Variants in MMS22L observed in about 807,000 individuals in gnomAD.
MMS22L encodes protein MMS22-like.
A neutral mutation model predicts 159.1 loss-of-function variants in MMS22L; 74 were observed. The ratio of observed to expected loss-of-function variants is 0.47; its 90% confidence interval spans 0.39 to 0.56. The LOEUF (loss-of-function observed/expected upper bound fraction) is 0.56, where lower values mean the gene tolerates loss of function less well. Among genes scored for constraint, MMS22L ranks in the 20% least tolerant of loss-of-function variants. The pLI is 0.00. For missense variants in MMS22L, 1,351 were observed against 1,422.1 expected (o/e 0.95, Z 0.80); for synonymous variants, 517 against 506.9 (o/e 1.02, Z -0.27).
chr6:97,180,106 T>C (rs903339687), intron 16 of MMS22L, among the ~76,000 whole-genome samples: 10 of 151,988 alleles, frequency 6.6e-5, no homozygotes, highest in African/African-American at 2.4e-4. Context: ...GTTTTTTTTT[T>C]CTCTTTTTTT....
chr6:97,214,559 A>C (rs1353822184), intron 14 of MMS22L, among the ~76,000 whole-genome samples: 1 of 152,086 alleles, frequency 6.6e-6, no homozygotes. Context: ...ATCCATCTAC[A>C]TTTTCTAAGT....
rs570879011 is a variant in MMS22L at position 97,150,024 on chromosome 6, A to G, written c.3483-4T>C. The stretch of plus-strand genomic sequence containing the variant: ...ACCATAATCCTGGATAAACTGCCTG[A>G]AAGTAAAACAGGTTTATTTAGGATT... On this transcript the variant is annotated splice_polypyrimidine_tract_variant and splice_region_variant and intron_variant, in intron 23 of 24. Coordinates refer to ENST00000683635, the MANE Select transcript of MMS22L (RefSeq NM_001350599.2). 1 of 1,612,266 alleles carries G rather than the reference A, an allele frequency of 6.2e-7. No individual in the cohort carries two copies. Among genetic ancestry groups the G allele is most frequent in the African/African-American group, 1.3e-5 (1 of 74,974 alleles).
In MMS22L at chr6:97,231,544, C is replaced by A; in HGVS notation, c.1411G>T (p.Asp471Tyr). The A allele has an allele frequency of 6.2e-7, 1 of 1,613,750 alleles. No individual in the cohort carries two copies. ...CTGCTGGATTTATATAGTTCCTGAT[C>A]TTGTTTATCGCAACAGCAAGTCTTC... ...MVKTCCCDKQ[D>Y]QELYKSSSSY... Residue 471 changes from aspartate to tyrosine, a missense_variant, in exon 13 of 25, where the codon GAT becomes TAT. Transcript: ENST00000683635.
At chr6:97,158,828 T>C (rs764571050) in intron 22 of MMS22L, among the ~76,000 whole-genome samples, 8 of 152,140 alleles carry the variant, frequency 5.3e-5, no homozygotes, top group Non-Finnish European at 1.2e-4. Flanking sequence ...CTATTAGGTC[T>C]GCTTGGTCCA....
intron 14 of MMS22L, among the ~76,000 whole-genome samples, chr6:97,210,341 G>C (rs1319529280): frequency 6.6e-6 from 1 of 151,810 alleles, no homozygotes; most frequent in Non-Finnish European, 1.5e-5. Flanking sequence ...TTGAATCTTT[G>C]TATTAAACAT....
At chr6:97,183,213 T>G (rs758171476) in intron 15 of MMS22L, among the ~76,000 whole-genome samples, 3 of 152,176 alleles carry the variant, frequency 2.0e-5, no homozygotes, top group East Asian at 1.9e-4. Flanking sequence ...TAAAATCCAC[T>G]GATCCTACAA....
At chr6:97,165,892 A>G (rs1802916335) in intron 20 of MMS22L, among the ~76,000 whole-genome samples, 1 of 152,140 alleles carries the variant, frequency 6.6e-6, no homozygotes, top group Admixed American at 6.6e-5. Context: ...TAAAAATCTG[A>G]TAATCTTTTT....
chr6:97,202,389 C>CTA (rs1807272773), intron 14 of MMS22L, among the ~76,000 whole-genome samples: 1 of 152,058 alleles, frequency 6.6e-6, no homozygotes, highest in East Asian at 1.9e-4. Context: ...TGTTTCAGAT[C>CTA]TATATATATA....
chr6:97,281,152 A>G lies in MMS22L; in HGVS notation c.290+85T>C, dbSNP rs1346625232. On this transcript the variant is annotated intron_variant, in intron 3 of 24. Transcript: ENST00000683635. ...AGCACAATTCCTCTGGTCTTTTGTA[A>G]TATCAGTATTAGAAGCCACCCAACA... The G allele has an allele frequency of 9.3e-6, 12 of 1,290,692 alleles. No homozygotes were observed. The Admixed American group carries it at 2.6e-4, about 28-fold the overall frequency. 80.0% of individuals were successfully genotyped at this position (1,290,692 alleles called of 1,614,324 possible).
At position 97,282,457 on chromosome 6, in the gene MMS22L, TGCA is replaced by T; in HGVS notation, c.18_20del (p.Ala7del). 2 of 1,613,112 alleles carry T rather than the reference TGCA, an allele frequency of 1.2e-6. No homozygotes were observed. The highest frequency in any genetic ancestry group is 1.7e-6 in the Non-Finnish European group (2 of 1,179,884). On this transcript the variant is annotated inframe_deletion, in exon 2 of 25. Transcript: ENST00000683635. ...CTAAGCTGTCAGTCAGGAACGTCGATGCAGCAGAACAGTTCTCCATTGTTTACT... is the reference window on the plus strand; with the variant it reads ...CTAAGCTGTCAGTCAGGAACGTCGATGCAGAACAGTTCTCCATTGTTTACT...
chr6:97,197,355 C>G (rs945496737), intron 14 of MMS22L, among the ~76,000 whole-genome samples: 1 of 151,990 alleles, frequency 6.6e-6, no homozygotes, highest in Non-Finnish European at 1.5e-5. Context: ...ACGTAATGAA[C>G]GAAAGTAAAA....
intron 11 of MMS22L, among the ~76,000 whole-genome samples, chr6:97,240,053 A>G (rs1400636500): frequency 6.6e-6 from 1 of 152,242 alleles, no homozygotes; most frequent in Non-Finnish European, 1.5e-5. Context: ...AGATCAAGTC[A>G]AAGTACATGA....
At chr6:97,176,865 G>A (rs1804179052) in intron 18 of MMS22L, among the ~76,000 whole-genome samples, 1 of 152,038 alleles carries the variant, frequency 6.6e-6, no homozygotes, top group Non-Finnish European at 1.5e-5. Flanking sequence ...CTGTTAATAA[G>A]TCATAGCTGT....
At chr6:97,150,100 A>G in intron 23 of MMS22L, 80 bp from the exon 24 acceptor site, 2 of 1,018,686 alleles carry the variant, frequency 2.0e-6, no homozygotes, top group Admixed American at 2.4e-5. Flanking sequence ...TCAACTATGA[A>G]CTGAACATAA....
chr6:97,218,894 C>T (rs2127971366), intron 14 of MMS22L, among the ~76,000 whole-genome samples: 1 of 152,270 alleles, frequency 6.6e-6, no homozygotes, highest in East Asian at 1.9e-4. Context: ...ATTTTATATT[C>T]ACTAATTTAA....
intron 14 of MMS22L, among the ~76,000 whole-genome samples, chr6:97,226,738 G>T (rs1240785063): frequency 1.3e-5 from 2 of 151,964 alleles, no homozygotes; most frequent in African/African-American, 4.8e-5. Context: ...GGAGATATCT[G>T]GAAGGTTCTA....
chr6:97,185,343 A>G (rs1805113645), intron 15 of MMS22L, among the ~76,000 whole-genome samples: 1 of 152,158 alleles, frequency 6.6e-6, no homozygotes, highest in Non-Finnish European at 1.5e-5. Flanking sequence ...TTAAATGAAG[A>G]AAATCATTCT....
At chr6:97,168,713 C>T (rs1035611995) in intron 19 of MMS22L, among the ~76,000 whole-genome samples, 1 of 152,046 alleles carries the variant, frequency 6.6e-6, no homozygotes, top group East Asian at 1.9e-4. Flanking sequence ...TAGACAAGGG[C>T]TAGTCAACCT....
At chr6:97,158,384 G>A (rs1008384973) in intron 22 of MMS22L, among the ~76,000 whole-genome samples, 2 of 152,014 alleles carry the variant, frequency 1.3e-5, no homozygotes, top group African/African-American at 4.8e-5. Context: ...TGCTTCTCTA[G>A]TTATTTTAAT....
Sources: gnomAD v4.1 joint callset for allele counts (sites outside exome capture counted in the v4.1 genomes callset) on GRCh38, gnomAD v4.1.1 for gene constraint, MANE v1.5 for transcripts, NCBI Gene and HGNC (gene_info 2026-07-23, HGNC 2026-07-21) for gene names.